Variants in IL1RAPL1 observed in about 807,000 individuals in gnomAD.
IL1RAPL1 encodes the protein interleukin-1 receptor accessory protein-like 1.
In IL1RAPL1, 3 loss-of-function variants were observed where a neutral mutation model predicts 48.4. That is an observed-to-expected ratio of 0.06 (90% CI 0.03 to 0.16). The LOEUF (loss-of-function observed/expected upper bound fraction) is 0.16, where lower values mean the gene tolerates loss of function less well. Among genes scored for constraint, IL1RAPL1 ranks in the 10% least tolerant of loss-of-function variants. The pLI is 1.00. For missense variants in IL1RAPL1, 349 were observed against 530.6 expected (o/e 0.66, Z 3.36); for synonymous variants, 185 against 187.7 (o/e 0.99, Z 0.12).
At chrX:28,810,539 G>C (rs1189328616) in intron 2 of IL1RAPL1, among the ~76,000 whole-genome samples, 33 of 110,928 alleles carry the variant, frequency 3.0e-4, no homozygotes. Context: ...GCATAGAATG[G>C]TGGGTAGGCA....
chrX:28,676,089 C>T (rs749720411), intron 1 of IL1RAPL1, among the ~76,000 whole-genome samples: 36 of 111,642 alleles, frequency 3.2e-4, no homozygotes, highest in Non-Finnish European at 4.9e-4. Flanking sequence ...TTAATGAAAA[C>T]GTTTGACTAC....
chrX:28,652,990 T>C, intron 1 of IL1RAPL1, among the ~76,000 whole-genome samples: 1 of 111,542 alleles, frequency 9.0e-6, no homozygotes, highest in Non-Finnish European at 1.9e-5. Context: ...ATGTCACATT[T>C]AGCAAAAGAA....
intron 6 of IL1RAPL1, among the ~76,000 whole-genome samples, chrX:29,823,757 G>A (rs916333788): frequency 1.8e-5 from 2 of 111,705 alleles, no homozygotes; most frequent in Non-Finnish European, 3.8e-5. Flanking sequence ...TGGAAACATT[G>A]TCTCTCCTTG....
chrX:29,929,472 T>G (rs1408057419), intron 8 of IL1RAPL1, among the ~76,000 whole-genome samples: 1 of 111,965 alleles, frequency 8.9e-6, no homozygotes, highest in East Asian at 2.8e-4. Flanking sequence ...TTACAGATTC[T>G]CTGAGTTTTT....
At chrX:29,089,547 T>A (rs1424334291) in intron 2 of IL1RAPL1, among the ~76,000 whole-genome samples, 1 of 100,480 alleles carries the variant, frequency 1.0e-5, no homozygotes, top group Non-Finnish European at 2.0e-5. Context: ...TTTTTCAGCA[T>A]GTTTTTAATA....
intron 3 of IL1RAPL1, among the ~76,000 whole-genome samples, chrX:29,353,860 C>G (rs1204143082): frequency 3.8e-5 from 4 of 104,568 alleles, no homozygotes; most frequent in African/African-American, 1.4e-4. Flanking sequence ...ATTTGCTTAG[C>G]CACGATTCAT....
chrX:29,794,899 C>A (rs920284552), intron 6 of IL1RAPL1, among the ~76,000 whole-genome samples: 3 of 111,844 alleles, frequency 2.7e-5, no homozygotes, highest in Admixed American at 9.5e-5. Flanking sequence ...TCAAGCATGC[C>A]TTTTGTGAAT....
chrX:29,724,034 C>T (rs989934619), intron 6 of IL1RAPL1, among the ~76,000 whole-genome samples: 1 of 111,007 alleles, frequency 9.0e-6, no homozygotes, highest in Admixed American at 9.6e-5. Context: ...AGGCTGGTCT[C>T]GAACTCCTAA....
chrX:28,672,763 C>T (rs776712531), intron 1 of IL1RAPL1, among the ~76,000 whole-genome samples: 29 of 111,622 alleles, frequency 2.6e-4, no homozygotes, highest in Non-Finnish European at 4.9e-4. Context: ...AAAAAATATT[C>T]ATTCTTGTGG....
intron 5 of IL1RAPL1, among the ~76,000 whole-genome samples, chrX:29,607,692 A>G (rs997339921): frequency 2.7e-5 from 3 of 110,981 alleles, no homozygotes; most frequent in African/African-American, 9.8e-5. Flanking sequence ...ACCTTTCTGG[A>G]TTTTCTTCTC....
chrX:29,915,101 C>T (rs1932787582), intron 6 of IL1RAPL1, among the ~76,000 whole-genome samples: 1 of 111,956 alleles, frequency 8.9e-6, no homozygotes, highest in Non-Finnish European at 1.9e-5. Context: ...CAAGACCGGC[C>T]TGGCCAACAT....
intron 2 of IL1RAPL1, among the ~76,000 whole-genome samples, chrX:29,003,206 A>G (rs1200634439): frequency 9.0e-6 from 1 of 111,644 alleles, no homozygotes; most frequent in Non-Finnish European, 1.9e-5. Flanking sequence ...TTCCATGTAC[A>G]TACTGCAAGT....
intron 3 of IL1RAPL1, among the ~76,000 whole-genome samples, chrX:29,390,028 C>T (rs1235687855): frequency 1.8e-5 from 2 of 112,092 alleles, no homozygotes; most frequent in Non-Finnish European, 3.8e-5. Context: ...CAGGCATTAC[C>T]ATAAAGACTG....
At chrX:29,599,175 G>C (rs891729474) in intron 5 of IL1RAPL1, among the ~76,000 whole-genome samples, 2 of 112,119 alleles carry the variant, frequency 1.8e-5, no homozygotes, top group African/African-American at 6.5e-5. Flanking sequence ...TTTGTTTCAA[G>C]ATTCAGAGCT....
chrX:28,621,139 AT>A (rs1286573907), intron 1 of IL1RAPL1, among the ~76,000 whole-genome samples: 9 of 111,981 alleles, frequency 8.0e-5, no homozygotes, highest in East Asian at 2.8e-4. Context: ...ACCTATTGTT[AT>A]TTGGTATTTT....
At chrX:29,184,557 G>C (rs1341655867) in intron 2 of IL1RAPL1, among the ~76,000 whole-genome samples, 2 of 111,178 alleles carry the variant, frequency 1.8e-5, no homozygotes, top group African/African-American at 3.3e-5. Context: ...CTGGAGCACA[G>C]AGGCTTGATC....
At chrX:29,138,894 ATT>A (rs1225419300) in intron 2 of IL1RAPL1, among the ~76,000 whole-genome samples, 7 of 111,793 alleles carry the variant, frequency 6.3e-5, no homozygotes, top group Non-Finnish European at 1.3e-4. Context: ...TTGTGTTTGA[ATT>A]ATGAAGGATA....
At chrX:29,734,475 C>T (rs1175582003) in intron 6 of IL1RAPL1, among the ~76,000 whole-genome samples, 1 of 111,826 alleles carries the variant, frequency 8.9e-6, no homozygotes, top group Non-Finnish European at 1.9e-5. Flanking sequence ...CAGAGCAATC[C>T]ACACTCCAGC....
At chrX:29,728,429 G>C (rs1320036535) in intron 6 of IL1RAPL1, among the ~76,000 whole-genome samples, 1 of 111,846 alleles carries the variant, frequency 8.9e-6, no homozygotes, top group South Asian at 3.7e-4. Flanking sequence ...AAAAATATTA[G>C]TGTGTTTGAT....
Sources: allele counts gnomAD v4.1 joint callset (sites outside exome capture counted in the v4.1 genomes callset), GRCh38; gene constraint gnomAD v4.1.1; transcripts MANE v1.5; gene names NCBI Gene and HGNC (gene_info 2026-07-23, HGNC 2026-07-21).